The following ZNF48 variants were observed in gnomAD, a reference collection of about 807,000 sequenced individuals.
ZNF48 encodes the protein zinc finger protein 553.
A neutral mutation model predicts 40.0 loss-of-function variants in ZNF48; 20 were observed. The ratio of observed to expected loss-of-function variants is 0.50; its 90% CI spans 0.35 to 0.73. The LOEUF (loss-of-function observed/expected upper bound fraction) is 0.73, where lower values mean the gene tolerates loss of function less well. Ranked by LOEUF, ZNF48 falls within the 30% of genes least tolerant of loss-of-function variation. The pLI, the probability that ZNF48 is intolerant of heterozygous loss-of-function variation, is 0.01. For missense variants in ZNF48, 726 were observed against 851.9 expected (o/e 0.85, Z 1.84); for synonymous variants, 298 against 329.7 (o/e 0.90, Z 1.04).
intron 1 of ZNF48, chr16:30,379,458 C>A (rs775891343): frequency 1.2e-6 from 2 of 1,613,822 alleles, no homozygotes; most frequent in Non-Finnish European, 1.7e-6. Flanking sequence ...CCAGGAGTAG[C>A]GGCGTCCCCT....
Position 30,382,545 on chromosome 16 carries a change from C to T in ZNF48, c.-16+4135C>T, listed in dbSNP as rs2049865665. On this transcript the variant is annotated intron_variant, in intron 1 of 2. Coordinates refer to the ZNF48 transcript ENST00000528032. This position sits in a 1 kb window ranked among gnomAD's most constrained non-coding sequence, Gnocchi z 4.8. ...CTCACCATGACTCCGCCAGCCATCA[C>T]TGCACCTGCCGTCTCTCCCCACTTC... is the stretch of plus-strand genomic sequence containing the variant. 6.3e-7 allele frequency: 1 copy of T among 1,591,844 alleles called. No homozygotes were observed. The highest frequency in any genetic ancestry group is 2.3e-5 in the East Asian group (1 of 44,144).
intron 1 of ZNF48, among the ~76,000 whole-genome samples, chr16:30,389,030 G>A (rs1434687681): frequency 3.3e-5 from 5 of 152,194 alleles, no homozygotes; most frequent in African/African-American, 4.8e-5. Context: ...GGAAGCTGAG[G>A]CAGGCGGATC....
rs1446299319 is a variant in ZNF48, at chr16:30,381,249, A to G, written c.-16+2839A>G. The G allele has an allele frequency of 6.2e-7, 1 of 1,613,778 alleles. No individual in the cohort carries two copies. The highest frequency in any genetic ancestry group is 1.1e-5 in the South Asian group (1 of 91,074). ...GCCACATCTAGGGGCCGGAGCCTGC[A>G]CCCAGGGATTGGTCATTGCCCAGCC... On this transcript the variant is annotated intron_variant, in intron 1 of 2. Transcript: ENST00000528032. This position sits in a 1 kb window ranked among gnomAD's most constrained non-coding sequence, Gnocchi z 4.3.
rs1442023182 is a variant in ZNF48, at chr16:30,378,587, G to C, written c.-16+177G>C. On this transcript the variant is annotated intron_variant, in intron 1 of 2. Transcript: ENST00000528032. ...GAGGGGGACCTGGGGCATCGGTCGG[G>C]GGGAAGCGAGGTGCGTGCTCACCTC... is the stretch of plus-strand genomic sequence containing the variant. The C allele has an allele frequency of 4.3e-6, 7 of 1,610,672 alleles. No individual in the cohort carries two copies. In the East Asian group the frequency reaches 1.6e-4, roughly 36 times the overall value.
At chr16:30,390,798 A>G (rs981106087), upstream of ZNF48, among the ~76,000 whole-genome samples, 3 of 150,342 alleles carry the variant, frequency 2.0e-5, no homozygotes, top group Non-Finnish European at 3.0e-5. Context: ...TTTTTTTTTT[A>G]TATTTTTAGT....
At chr16:30,391,500 T>C (rs2049942410), upstream of ZNF48, among the ~76,000 whole-genome samples, 1 of 151,480 alleles carries the variant, frequency 6.6e-6, no homozygotes, top group South Asian at 2.1e-4. Flanking sequence ...CTTTTTCTTT[T>C]CTTTTTTTTT....
In ZNF48 at chr16:30,381,351, G is replaced by A. The variant is rs2151111429; in HGVS notation, c.-16+2941G>A. 6.2e-7 allele frequency: 1 copy of A among 1,613,166 alleles called. No homozygotes were observed. The highest frequency in any genetic ancestry group is 1.3e-5 in the African/African-American group (1 of 74,726). ...CCCCCCACCAGACCCCCGGCCGAAG[G>A]GTGAGATGAAGTAGAGGCAGCAGTG... On this transcript the variant is annotated intron_variant, in intron 1 of 2. Coordinates refer to the ZNF48 transcript ENST00000528032. This position sits in a 1 kb window ranked among gnomAD's most constrained non-coding sequence, Gnocchi z 4.3.
chr16:30,378,467 G>T (rs1226083658), intron 1 of ZNF48: 2 of 1,577,082 alleles, frequency 1.3e-6, no homozygotes. Flanking sequence ...CCTGGGCCTG[G>T]CTCTGCTGCA....
In ZNF48 at chr16:30,382,466, G is replaced by A. The variant is rs554612627; in HGVS notation, c.-16+4056G>A. ...CTAGGAAGAGTCAGTGGGGTCTGGG[G>A]ACCCCAGGCATGGGGGCTGGGGGCC... On this transcript the variant is annotated intron_variant, in intron 1 of 2. Coordinates refer to the ZNF48 transcript ENST00000528032. The surrounding 1 kb of genome is among the most constrained non-coding windows in gnomAD (Gnocchi z 4.8). 3.8e-5 allele frequency: 60 copies of A among 1,583,806 alleles called. No homozygotes were observed. Among genetic ancestry groups the A allele is most frequent in the Non-Finnish European group, 4.4e-5 (51 of 1,158,290 alleles).
At chr16:30,388,726 T>TA (rs992377136) in intron 1 of ZNF48, among the ~76,000 whole-genome samples, 20 of 146,556 alleles carry the variant, frequency 1.4e-4, no homozygotes, top group Non-Finnish European at 1.8e-4. Context: ...CCATCTCTAC[T>TA]AAAAAAAAAA....
Position 30,381,840 on chromosome 16 carries a change from C to A in ZNF48, c.-16+3430C>A, listed in dbSNP as rs764309781. 1.9e-6 allele frequency: 3 copies of A among 1,614,220 alleles called. No individual in the cohort carries two copies. The East Asian group carries it at 6.7e-5, about 36-fold the overall frequency. Reference sequence around the variant, plus strand: ...TCACTTTCACACCCCCTTCCTCAATCTCTACGCCCCGGCGCTCAATGGCCA... The same window carrying A: ...TCACTTTCACACCCCCTTCCTCAATATCTACGCCCCGGCGCTCAATGGCCA... On this transcript the variant is annotated intron_variant, in intron 1 of 2. Coordinates refer to the ZNF48 transcript ENST00000528032. The surrounding 1 kb of genome is among the most constrained non-coding windows in gnomAD (Gnocchi z 4.3).
chr16:30,379,076 G>C, intron 1 of ZNF48: 1 of 1,614,032 alleles, frequency 6.2e-7, no homozygotes, highest in Non-Finnish European at 8.5e-7. Context: ...CAGCGGGCCC[G>C]GTAGCCCTCG....
chr16:30,397,800 C>T lies in ZNF48; in HGVS notation c.550C>T (p.Arg184Trp), dbSNP rs1567434266. 1 of 1,613,608 alleles carries T rather than the reference C, an allele frequency of 6.2e-7. No individual in the cohort carries two copies. Among genetic ancestry groups the T allele is most frequent in the Non-Finnish European group, 8.5e-7 (1 of 1,179,954 alleles). ...AQGPPKIPRS[R>W]IPAGERPTIC... ...GGGTCCCCCAAAGATTCCTCGGTCC[C>T]GGATCCCTGCTGGTGAGCGCCCCAC... is the stretch of plus-strand genomic sequence containing the variant. Residue 184 changes from arginine to tryptophan, a missense_variant, in exon 3 of 3, where the codon CGG (arginine) becomes TGG (tryptophan). This residue lies in a region of ZNF48 where 378 missense variants were observed against 449.1 expected (regional missense o/e 0.84). Coordinates refer to ENST00000613509, the MANE Select transcript of ZNF48 (RefSeq NM_001214909.2). The surrounding 1 kb of genome is among the most constrained non-coding windows in gnomAD (Gnocchi z 4.1).
chr16:30,393,574 A>T (rs1429100031), upstream of ZNF48, among the ~76,000 whole-genome samples: 1 of 149,624 alleles, frequency 6.7e-6, no homozygotes, highest in Non-Finnish European at 1.5e-5. Context: ...TAGTAGAGAC[A>T]GGGTTTCACC....
chr16:30,382,873 G>T lies in ZNF48; in HGVS notation c.-16+4463G>T. 1.6e-6 allele frequency: 2 copies of T among 1,268,978 alleles called. No homozygotes were observed. Among genetic ancestry groups the T allele is most frequent in the Non-Finnish European group, 2.2e-6 (2 of 903,794 alleles). 78.6% of individuals were successfully genotyped at this position (1,268,978 alleles called of 1,614,324 possible). A position where few individuals can be genotyped will look rare whatever the true frequency, so the allele number is the denominator to read the frequency against. ...GGGGAGATGAAGGTTTTGATGAGCT[G>T]ATTAGAAAACAGTTCCCAGGACGGG... is the stretch of plus-strand genomic sequence containing the variant. On this transcript the variant is annotated intron_variant, in intron 1 of 2. Coordinates refer to the ZNF48 transcript ENST00000528032. This position sits in a 1 kb window ranked among gnomAD's most constrained non-coding sequence, Gnocchi z 4.8.
chr16:30,395,356 CA>C (rs777420649), upstream of ZNF48: 1 of 451,974 alleles, frequency 2.2e-6, no homozygotes, highest in South Asian at 1.6e-5. This position sits in a 1 kb window ranked among gnomAD's most constrained non-coding sequence, Gnocchi z 5.9. Context: ...GCGACCCCCA[CA>C]GGCCCGCAGC....
upstream of ZNF48, among the ~76,000 whole-genome samples, chr16:30,390,913 C>T (rs185707375): frequency 1.4e-3 from 205 of 145,026 alleles, 3 homozygotes; most frequent in East Asian, 0.011. Flanking sequence ...CGTGAGCCAC[C>T]GCGCCTGGCC....
intron 1 of ZNF48, chr16:30,379,062 T>C: frequency 1.9e-6 from 3 of 1,613,812 alleles, no homozygotes; most frequent in Middle Eastern, 1.6e-4. Flanking sequence ...CCAGGCTCTG[T>C]AGGCAGCGGG....
intron 1 of ZNF48, chr16:30,379,419 G>T: frequency 6.2e-7 from 1 of 1,607,976 alleles, no homozygotes; most frequent in Non-Finnish European, 8.5e-7. Context: ...TAGGACCCCT[G>T]CCTGGCCTCA....
Sources: gnomAD v4.1 joint callset for allele counts (sites outside exome capture counted in the v4.1 genomes callset) on GRCh38, gnomAD v4.1.1 for gene constraint, gnomAD v4.1.1 regional missense constraint, Gnocchi (gnomAD v3.1) non-coding constraint, MANE v1.5 for transcripts, NCBI Gene and HGNC (gene_info 2026-07-23, HGNC 2026-07-21) for gene names.